The following SRC variants were observed in gnomAD, a reference collection of about 807,000 sequenced individuals.
SRC encodes the protein SRC proto-oncogene, non-receptor tyrosine kinase.
In SRC, 13 loss-of-function variants were observed where a neutral mutation model predicts 62.9. That is an observed-to-expected ratio of 0.21 (90% CI 0.13 to 0.33). The LOEUF is 0.33. Among genes scored for constraint, SRC ranks in the 10% least tolerant of loss-of-function variants. SRC has a pLI of 1.00. For missense variants in SRC, 457 were observed against 737.3 expected, an observed-to-expected ratio of 0.62 and a Z score of 4.40; for synonymous variants, 302 against 317.5, an observed-to-expected ratio of 0.95 and a Z score of 0.52.
At chr20:37,356,416 C>T (rs2069882475) in intron 1 of SRC, among the ~76,000 whole-genome samples, 1 of 152,088 alleles carries the variant, frequency 6.6e-6, no homozygotes, top group South Asian at 2.1e-4. Context: ...GTCAGTGTGG[C>T]TTCAGTGAGG....
Position 37,396,191 on chromosome 20 carries a change from G to A in SRC, c.583G>A (p.Asp195Asn), listed in dbSNP as rs1198824064. Reference protein sequence around the residue: ...GAYCLSVSDFDNAKGLNVKHY... With the variant: ...GAYCLSVSDFNNAKGLNVKHY... ...CTACTGCCTCTCAGTGTCTGACTTC[G>A]ACAACGCCAAGGGCCTCAACGTGAA... The change falls in exon 8 of 14, where the codon GAC (aspartate) becomes AAC (asparagine). Residue 195 changes from aspartate (D) to asparagine (N), a missense_variant. Physicochemically the swap from Asp to Asn is conservative, Grantham distance 23. Around this residue, in one of 4 missense-constraint regions of SRC, gnomAD observed 141 missense variants for 198.4 expected, o/e 0.71. Transcript: ENST00000373578. The surrounding 1 kb of genome is among the most constrained non-coding windows in gnomAD (Gnocchi z 6.1). The A allele has an allele frequency of 8.1e-6, 13 of 1,613,562 alleles. No homozygotes were observed. In the East Asian group the frequency reaches 1.3e-4, roughly 17 times the overall value.
At position 37,396,326 on chromosome 20, in the gene SRC, G is replaced by A; in HGVS notation, c.703+15G>A. The A allele has an allele frequency of 6.2e-7, 1 of 1,611,828 alleles. No individual in the cohort carries two copies. The highest frequency in any genetic ancestry group is 8.5e-7 in the Non-Finnish European group (1 of 1,179,742). The stretch of plus-strand genomic sequence containing the variant: ...CTACTACTCCAGTGAGCCAGCCTCG[G>A]AGGGCGGAGGGCGGGCGGGCAAAGC... On this transcript the variant is annotated intron_variant, in intron 8 of 13. Transcript: ENST00000373578. This position sits in a 1 kb window ranked among gnomAD's most constrained non-coding sequence, Gnocchi z 6.1.
chr20:37,386,232 C>A, intron 5 of SRC, 58 bp downstream of exon 5: 4 of 1,502,570 alleles, frequency 2.7e-6, no homozygotes, highest in Non-Finnish European at 3.7e-6. Context: ...TCAAAGCGGG[C>A]AGGGGCTCAT....
chr20:37,386,622 C>G (rs2070460068), intron 5 of SRC: 1 of 660,042 alleles, frequency 1.5e-6, no homozygotes, highest in African/African-American at 1.8e-5. Context: ...CCTCCCCCCT[C>G]CACCAATTTG....
At chr20:37,401,831 T>C in intron 11 of SRC, 153 bp downstream of exon 11, 1 of 564,410 alleles carries the variant, frequency 1.8e-6, no homozygotes, top group East Asian at 3.2e-5. Flanking sequence ...ATTTACCAGG[T>C]CTGCTTACAG....
rs951069167 is a variant in SRC, at chr20:37,396,429, TC to T, written c.703+123del. 10 of 1,163,058 alleles carry T rather than the reference TC, an allele frequency of 8.6e-6. No homozygotes were observed. Among genetic ancestry groups the T allele is most frequent in the African/African-American group, 1.6e-5 (1 of 64,110 alleles). The allele number at this position is 1,163,058 out of a possible 1,614,324, so 72.0% of individuals were successfully genotyped here. A position where few individuals can be genotyped will look rare whatever the true frequency, so the allele number is the denominator to read the frequency against. The stretch of plus-strand genomic sequence containing the variant: ...CTGTTATCCTGCTTCTCTCCCCACT[TC>T]CCCCTCCCCCCTCCCTTCCTCTCTC... On this transcript the variant is annotated intron_variant, in intron 8 of 13. Coordinates refer to ENST00000373578, the MANE Select transcript of SRC (RefSeq NM_198291.3). This position sits in a 1 kb window ranked among gnomAD's most constrained non-coding sequence, Gnocchi z 6.1.
In SRC at chr20:37,402,234, T is replaced by A. The variant is rs2070748306; in HGVS notation, c.1117-201T>A. ...GACCTTTGCCTTCTGCCCTCTGCTC[T>A]GTGCCCTGTGCTCCCTACTCCCGCA... On this transcript the variant is annotated intron_variant, in intron 11 of 13. Coordinates refer to ENST00000373578, the MANE Select transcript of SRC (RefSeq NM_198291.3). The surrounding 1 kb of genome is among the most constrained non-coding windows in gnomAD (Gnocchi z 6.2). 1.3e-5 allele frequency: 8 copies of A among 601,332 alleles called. No individual in the cohort carries two copies. Among genetic ancestry groups the A allele is most frequent in the Non-Finnish European group, 2.3e-5 (8 of 349,312 alleles). 37.2% of individuals were successfully genotyped at this position (601,332 alleles called of 1,614,324 possible).
In SRC at chr20:37,402,311, A is replaced by G; in HGVS notation, c.1117-124A>G. 8.2e-7 allele frequency: 1 copy of G among 1,219,934 alleles called. No individual in the cohort carries two copies. The highest frequency in any genetic ancestry group is 1.1e-6 in the Non-Finnish European group (1 of 870,364). The allele number at this position is 1,219,934 out of a possible 1,614,324, so 75.6% of individuals were successfully genotyped here. On this transcript the variant is annotated intron_variant, in intron 11 of 13. Transcript: ENST00000373578. This position sits in a 1 kb window ranked among gnomAD's most constrained non-coding sequence, Gnocchi z 6.2. Reference sequence around the variant, plus strand: ...ACAGCATTTACTGTGAACTGACCTCACTTGCCTGAAGAAGTGTGGGGAGGG... The same window carrying G: ...ACAGCATTTACTGTGAACTGACCTCGCTTGCCTGAAGAAGTGTGGGGAGGG...
At chr20:37,378,894 G>A (rs1033752875) in intron 2 of SRC, among the ~76,000 whole-genome samples, 3 of 152,012 alleles carry the variant, frequency 2.0e-5, no homozygotes, top group African/African-American at 7.3e-5. Flanking sequence ...GAACTACCCC[G>A]GGGCTCCCCA....
At position 37,403,645 on chromosome 20, in the gene SRC, A is replaced by C; in HGVS notation, c.*266A>C. 1 of 518,104 alleles carries C rather than the reference A, an allele frequency of 1.9e-6. No individual in the cohort carries two copies. The allele number at this position is 518,104 out of a possible 1,614,324, so 32.1% of individuals were successfully genotyped here. ...CGCCTCTCCCTGCACTCCCTCCTGGAGCTCTGTGGGTCTCTGGAAGAGGAA... is the reference window on the plus strand; with the variant it reads ...CGCCTCTCCCTGCACTCCCTCCTGGCGCTCTGTGGGTCTCTGGAAGAGGAA... On this transcript the variant is annotated 3_prime_UTR_variant, in exon 14 of 14. Transcript: ENST00000373578. The surrounding 1 kb of genome is among the most constrained non-coding windows in gnomAD (Gnocchi z 7.1).
intron 1 of SRC, among the ~76,000 whole-genome samples, chr20:37,347,452 G>A (rs567260116): frequency 2.0e-5 from 3 of 152,358 alleles, no homozygotes; most frequent in South Asian, 2.1e-4. Context: ...GATTCTAAGC[G>A]CTTCTGCAGG....
At position 37,396,154 on chromosome 20, in the gene SRC, C is replaced by G; in HGVS notation, c.554-8C>G. Reference sequence around the variant, plus strand: ...ATGGCGGTCACGGCTCCCCTCGGTGCCCCGCAGGTGCCTACTGCCTCTCAG... The same window carrying G: ...ATGGCGGTCACGGCTCCCCTCGGTGGCCCGCAGGTGCCTACTGCCTCTCAG... On this transcript the variant is annotated splice_region_variant and splice_polypyrimidine_tract_variant and intron_variant, in intron 7 of 13. Transcript: ENST00000373578. This position sits in a 1 kb window ranked among gnomAD's most constrained non-coding sequence, Gnocchi z 6.1. 3.7e-6 allele frequency: 6 copies of G among 1,610,736 alleles called. No individual in the cohort carries two copies. The African/African-American group carries it at 5.3e-5, about 14-fold the overall frequency.
intron 2 of SRC, among the ~76,000 whole-genome samples, chr20:37,370,905 A>T (rs879793182): frequency 3.3e-5 from 5 of 152,104 alleles, no homozygotes; most frequent in Non-Finnish European, 7.4e-5. Flanking sequence ...TTCTGTGAGA[A>T]GATTTAAAAT....
chr20:37,379,590 G>A (rs906049202), intron 2 of SRC, among the ~76,000 whole-genome samples: 1 of 151,836 alleles, frequency 6.6e-6, no homozygotes, highest in African/African-American at 2.4e-5. Context: ...CGGGAGTGGT[G>A]GCACTCACCT....
Position 37,403,124 on chromosome 20 carries a change from AC to A in SRC, c.1403-46del, listed in dbSNP as rs1184767746. ...CCTCCCCATCAGCTTCCCCCACCCC[AC>A]TTTCCTCACCGGAGCCGGGCTCCCC... On this transcript the variant is annotated intron_variant, in intron 13 of 13. Coordinates refer to ENST00000373578, the MANE Select transcript of SRC (RefSeq NM_198291.3). The surrounding 1 kb of genome is among the most constrained non-coding windows in gnomAD (Gnocchi z 7.1). 1 of 1,486,040 alleles carries A rather than the reference AC, an allele frequency of 6.7e-7. No homozygotes were observed. The highest frequency in any genetic ancestry group is 9.0e-7 in the Non-Finnish European group (1 of 1,116,330). The allele number at this position is 1,486,040 out of a possible 1,614,324, so 92.1% of individuals were successfully genotyped here. A position where few individuals can be genotyped will look rare whatever the true frequency, so the allele number is the denominator to read the frequency against.
chr20:37,394,075 G>A lies in SRC; in HGVS notation c.449+82G>A, dbSNP rs2070597836. ...GTGCCTCTCCTGGGCTGGGGTGGGAGGTCTGGCTGTCCAGCGCCCCAGCCA... is the reference window on the plus strand; with the variant it reads ...GTGCCTCTCCTGGGCTGGGGTGGGAAGTCTGGCTGTCCAGCGCCCCAGCCA... On this transcript the variant is annotated intron_variant, in intron 6 of 13. Coordinates refer to ENST00000373578, the MANE Select transcript of SRC (RefSeq NM_198291.3). 4 of 1,564,264 alleles carry A rather than the reference G, an allele frequency of 2.6e-6. No individual in the cohort carries two copies. The South Asian group carries it at 3.3e-5, about 13-fold the overall frequency.
Position 37,402,657 on chromosome 20 carries a change from T to G in SRC, c.1270+69T>G. 1 of 1,570,410 alleles carries G rather than the reference T, an allele frequency of 6.4e-7. No individual in the cohort carries two copies. On this transcript the variant is annotated intron_variant, in intron 12 of 13. Transcript: ENST00000373578. This position sits in a 1 kb window ranked among gnomAD's most constrained non-coding sequence, Gnocchi z 6.2. ...GTCACGTCCCGCTCTGAGCCCCAGT[T>G]TTTTCCTCAGCTGTCATTCCTCATG...
Position 37,384,543 on chromosome 20 carries a change from C to CGGGGGG in SRC, c.250+141_250+146dup, listed in dbSNP as rs1242378998. The CGGGGGG allele has an allele frequency of 2.5e-5, 4 of 159,524 alleles. No homozygotes were observed. Among genetic ancestry groups the CGGGGGG allele is most frequent in the African/African-American group, 2.0e-4 (4 of 19,578 alleles). The allele number at this position is 159,524 out of a possible 1,614,324, so 9.9% of individuals were successfully genotyped here. A position where few individuals can be genotyped will look rare whatever the true frequency, so the allele number is the denominator to read the frequency against. On this transcript the variant is annotated intron_variant, in intron 4 of 13. Transcript: ENST00000373578. This position sits in a 1 kb window ranked among gnomAD's most constrained non-coding sequence, Gnocchi z 6.7. Reference sequence around the variant, plus strand: ...AGCGCCCCTGGGTGACTTGGGTGTCCGGGGGGTGGGGGGGCGGCCGTACAC... The same window carrying CGGGGGG: ...AGCGCCCCTGGGTGACTTGGGTGTCCGGGGGGGGGGGGTGGGGGGGCGGCCGTACAC...
Position 37,395,620 on chromosome 20 carries a change from AC to A in SRC, c.554-537del, listed in dbSNP as rs113173494. Reference sequence around the variant, plus strand: ...ACGACGGCCAAAGCCTCTGCCAACCACCCCCTCCCGCCTGAGCCTGGGCCTG... The same window carrying A: ...ACGACGGCCAAAGCCTCTGCCAACCACCCCTCCCGCCTGAGCCTGGGCCTG... On this transcript the variant is annotated intron_variant, in intron 7 of 13. Transcript: ENST00000373578. 4.6e-3 allele frequency among the ~76,000 whole-genome samples: 699 copies of A among 151,586 alleles called. 12 individuals carry two copies. Among genetic ancestry groups the A allele is most frequent in the African/African-American group, 0.016 (675 of 41,304 alleles).
Sources: gnomAD v4.1 joint callset for allele counts (sites outside exome capture counted in the v4.1 genomes callset) on GRCh38, gnomAD v4.1.1 for gene constraint, gnomAD v4.1.1 regional missense constraint, Gnocchi (gnomAD v3.1) non-coding constraint, MANE v1.5 for transcripts, NCBI Gene and HGNC (gene_info 2026-07-23, HGNC 2026-07-21) for gene names.